SEM1: variants seen among roughly 807,000 people sequenced by gnomAD.
SEM1 encodes SEM1 26S proteasome subunit.
In SEM1, 3 loss-of-function variants were observed where a neutral mutation model predicts 12.7. The ratio of observed to expected loss-of-function variants is 0.24; its 90% CI spans 0.11 to 0.61. The LOEUF (loss-of-function observed/expected upper bound fraction) is 0.61. Among genes scored for constraint, SEM1 ranks in the 20% least tolerant of loss-of-function variants. The probability of loss-of-function intolerance (pLI) is 0.88; values close to 1 mark genes in which losing one functional copy is unlikely to be tolerated. For synonymous variants in SEM1, 30 were observed against 27.8 expected (o/e 1.08, Z -0.25); for missense variants, 59 against 81.3 (o/e 0.73, Z 1.06).
intron 2 of SEM1, among the ~76,000 whole-genome samples, chr7:96,533,501 T>C (rs528534081): frequency 4.3e-4 from 66 of 152,216 alleles, no homozygotes; most frequent in Non-Finnish European, 9.3e-4. Context: ...TATTTGTGTA[T>C]TATGGTTACT....
chr7:96,685,348 T>C (rs1011460578), downstream of SEM1, among the ~76,000 whole-genome samples: 2 of 152,026 alleles, frequency 1.3e-5, no homozygotes, highest in Admixed American at 6.6e-5. Flanking sequence ...TGAAAAATTA[T>C]AGGGGAAAAA....
At chr7:96,605,225 C>G (rs761072245) in intron 2 of SEM1, among the ~76,000 whole-genome samples, 3 of 152,174 alleles carry the variant, frequency 2.0e-5, no homozygotes, top group Non-Finnish European at 4.4e-5. Flanking sequence ...TTCCTTCAGT[C>G]ATCCTAGTTG....
At chr7:96,687,534 C>CA (rs1393437579), downstream of SEM1, among the ~76,000 whole-genome samples, 1 of 148,794 alleles carries the variant, frequency 6.7e-6, no homozygotes, top group Admixed American at 6.8e-5. Context: ...ATCGCAAGGA[C>CA]AAAAAACCAA....
chr7:96,662,966 A>G (rs911669560), intron 2 of SEM1, among the ~76,000 whole-genome samples: 2 of 152,344 alleles, frequency 1.3e-5, no homozygotes, highest in Non-Finnish European at 1.5e-5. Context: ...TTTCTGTTCG[A>G]CCACAAAAAT....
chr7:96,654,121 TCA>T (rs1809095692), intron 2 of SEM1, among the ~76,000 whole-genome samples: 1 of 152,186 alleles, frequency 6.6e-6, no homozygotes, highest in African/African-American at 2.4e-5. Flanking sequence ...GAGGGCACAT[TCA>T]CAGTTATTCA....
At chr7:96,523,352 C>G (rs972186679) in intron 2 of SEM1, among the ~76,000 whole-genome samples, 1 of 152,002 alleles carries the variant, frequency 6.6e-6, no homozygotes, top group Non-Finnish European at 1.5e-5. Context: ...GGTTGGGGAT[C>G]AGGGAAGTTG....
chr7:96,675,589 C>T (rs955206005), intron 2 of SEM1, among the ~76,000 whole-genome samples: 1 of 152,178 alleles, frequency 6.6e-6, no homozygotes, highest in African/African-American at 2.4e-5. Context: ...TCCCCAGTCT[C>T]TCCTTGGGGA....
intron 2 of SEM1, among the ~76,000 whole-genome samples, chr7:96,533,863 G>A (rs957567550): frequency 6.6e-6 from 1 of 151,964 alleles, no homozygotes; most frequent in African/African-American, 2.4e-5. Flanking sequence ...GCACCAAACT[G>A]TGTAGTAGTC....
At chr7:96,537,926 C>T (rs1313741500) in intron 2 of SEM1, among the ~76,000 whole-genome samples, 1 of 151,584 alleles carries the variant, frequency 6.6e-6, no homozygotes, top group African/African-American at 2.4e-5. Context: ...AGATATTATG[C>T]CTTTTGAAAT....
chr7:96,546,354 C>T (rs1805102470), intron 2 of SEM1, among the ~76,000 whole-genome samples: 2 of 152,202 alleles, frequency 1.3e-5, no homozygotes, highest in South Asian at 4.1e-4. Flanking sequence ...ACACACTCCT[C>T]ATACTCTCAA....
At chr7:96,483,902 G>A (rs199844041) in exon 4 of SEM1, 169 of 1,536,706 alleles carry the variant, frequency 1.1e-4, no homozygotes, top group African/African-American at 5.5e-5. Flanking sequence ...GAGGTCACCC[G>A]AATGGCAGCC....
intron 1 of SEM1, 44 bp from the exon 2 acceptor site, chr7:96,694,935 A>C: frequency 7.2e-7 from 1 of 1,394,198 alleles, no homozygotes; most frequent in East Asian, 2.3e-5. Context: ...CTCATACATT[A>C]TTTCCACAAT....
chr7:96,499,210 C>T (rs1336246866), upstream of SEM1, among the ~76,000 whole-genome samples: 1 of 152,092 alleles, frequency 6.6e-6, no homozygotes, highest in Non-Finnish European at 1.5e-5. Context: ...TGAATAATGC[C>T]TACATAACTA....
At chr7:96,597,194 G>A (rs1174317639) in intron 2 of SEM1, among the ~76,000 whole-genome samples, 7 of 152,146 alleles carry the variant, frequency 4.6e-5, no homozygotes, top group Non-Finnish European at 8.8e-5. Context: ...CTCTGCTTAC[G>A]AAAAGATATT....
chr7:96,671,653 T>TA (rs1362262606), downstream of SEM1, among the ~76,000 whole-genome samples: 2 of 152,114 alleles, frequency 1.3e-5, no homozygotes, highest in African/African-American at 2.4e-5. Context: ...AAGGAATTCT[T>TA]ACAGTTAATG....
rs548131752 is a variant in SEM1 at position 96,679,345 on chromosome 7, T to C, written c.171-5486A>G. Among the ~76,000 whole-genome samples, 4 of 152,250 alleles carry C rather than the reference T, an allele frequency of 2.6e-5. No homozygotes were observed. The South Asian group carries it at 8.3e-4, about 32-fold the overall frequency. On this transcript the variant is annotated intron_variant, in intron 2 of 2. Coordinates refer to the SEM1 transcript ENST00000413065. ...AGACACATCCTATTAACTTGGACCA[T>C]GGATTTCTATACATAAAATACCAAC...
chr7:96,524,656 T>C (rs1804393191), intron 2 of SEM1, among the ~76,000 whole-genome samples: 1 of 151,944 alleles, frequency 6.6e-6, no homozygotes, highest in South Asian at 2.1e-4. Context: ...ATTTAACCCA[T>C]TATATTAAAA....
chr7:96,653,067 T>A (rs935925176), intron 2 of SEM1, among the ~76,000 whole-genome samples: 1 of 152,164 alleles, frequency 6.6e-6, no homozygotes, highest in South Asian at 2.1e-4. Flanking sequence ...GGTACTATGA[T>A]CTCCATTTTA....
At chr7:96,485,843 C>G (rs1563022730) in intron 2 of SEM1, among the ~76,000 whole-genome samples, 2 of 152,034 alleles carry the variant, frequency 1.3e-5, no homozygotes. Context: ...CCTGGCCTCC[C>G]ATCTCTGCAT....
Sources: allele counts gnomAD v4.1 joint callset (sites outside exome capture counted in the v4.1 genomes callset), GRCh38; gene constraint gnomAD v4.1.1; transcripts MANE v1.5; gene names NCBI Gene and HGNC (gene_info 2026-07-23, HGNC 2026-07-21).